DCDC1: variants seen among roughly 807,000 people sequenced by gnomAD.
The protein encoded by DCDC1 is doublecortin domain containing 1, also known as doublecortin domain-containing protein 1.
Under a neutral mutation model 178.3 loss-of-function variants are expected in DCDC1, and 200 were observed. That is an observed-to-expected ratio of 1.12 (90% CI 1.00 to 1.26). The LOEUF is 1.26. Among genes scored for constraint, DCDC1 ranks in the 50% most tolerant of loss-of-function variants. The pLI is 0.00. For synonymous variants in DCDC1, 690 were observed against 604.8 expected, an observed-to-expected ratio of 1.14 and a Z score of -2.07; for missense variants, 1,983 against 1,749.2, an observed-to-expected ratio of 1.13 and a Z score of -2.38.
chr11:31,210,664 T>C (rs529606299), intron 9 of DCDC1, among the ~76,000 whole-genome samples: 1 of 139,782 alleles, frequency 7.2e-6, no homozygotes, highest in South Asian at 2.2e-4. Flanking sequence ...TGAGCCAAGA[T>C]CACGCCACTG....
intron 1 of DCDC1, among the ~76,000 whole-genome samples, chr11:31,343,393 A>G (rs1591815257): frequency 6.6e-6 from 1 of 151,722 alleles, no homozygotes; most frequent in Admixed American, 6.6e-5. Flanking sequence ...TGCAACCCCC[A>G]CCTCCCAGGT....
At chr11:31,101,396 G>A (rs12795008) in intron 15 of DCDC1, among the ~76,000 whole-genome samples, 2,096 of 152,124 alleles carry the variant, frequency 0.014, 31 homozygotes, top group South Asian at 0.055. Flanking sequence ...TTACTGGAAG[G>A]ATAAATTTCT....
At chr11:30,896,590 G>A (rs1408734409) in intron 34 of DCDC1, among the ~76,000 whole-genome samples, 7 of 152,066 alleles carry the variant, frequency 4.6e-5, no homozygotes, top group East Asian at 1.9e-4. Flanking sequence ...GACTTATTTC[G>A]CTTTCACACT....
intron 36 of DCDC1, among the ~76,000 whole-genome samples, chr11:30,889,017 T>C (rs955256080): frequency 6.6e-6 from 1 of 152,186 alleles, no homozygotes; most frequent in African/African-American, 2.4e-5. Context: ...CAGAAGGACC[T>C]CTTTTTCATT....
rs191431361 is a variant in DCDC1 at position 30,928,239 on chromosome 11, C to G, written c.2898-2831G>C. ...GTAGTCTCTGCATTTGCCGGCTCCT[C>G]TTCACCTTCTGCCATGAGTGGAAGC... On this transcript the variant is annotated intron_variant, in intron 22 of 38. Coordinates refer to ENST00000684477, the MANE Select transcript of DCDC1 (RefSeq NM_001387274.1). 2.0e-3 allele frequency among the ~76,000 whole-genome samples: 304 copies of G among 152,238 alleles called. 2 individuals carry two copies. Among genetic ancestry groups the G allele is most frequent in the South Asian group, 7.9e-3 (38 of 4,828 alleles).
chr11:31,179,528 G>A (rs936982426), intron 9 of DCDC1, among the ~76,000 whole-genome samples: 13 of 152,180 alleles, frequency 8.5e-5, no homozygotes, highest in African/African-American at 3.1e-4. Flanking sequence ...TTGTGACAAT[G>A]TGAATGAATC....
chr11:31,295,413 A>C (rs955223391), intron 6 of DCDC1, among the ~76,000 whole-genome samples: 2 of 152,098 alleles, frequency 1.3e-5, no homozygotes, highest in African/African-American at 2.4e-5. Context: ...AGTGCACCCA[A>C]ACTCCAGCTG....
rs546693456 is a variant in DCDC1 at position 31,064,427 on chromosome 11, A to G, written c.2591+42T>C. The G allele has an allele frequency of 3.0e-4, 208 of 683,432 alleles. 3 individuals are homozygous for G. Among genetic ancestry groups the G allele is most frequent in the South Asian group, 2.7e-3 (163 of 59,542 alleles). 42.3% of individuals were successfully genotyped at this position (683,432 alleles called of 1,614,324 possible). Reference sequence around the variant, plus strand: ...TACATGAAACTGAAGGAAAATATCGAATGTCATTGAGCAATAAAGCTCAGT... The same window carrying G: ...TACATGAAACTGAAGGAAAATATCGGATGTCATTGAGCAATAAAGCTCAGT... On this transcript the variant is annotated intron_variant, in intron 20 of 38. Coordinates refer to ENST00000684477, the MANE Select transcript of DCDC1 (RefSeq NM_001387274.1).
At chr11:31,181,282 G>T (rs1156479644) in intron 9 of DCDC1, among the ~76,000 whole-genome samples, 1 of 152,194 alleles carries the variant, frequency 6.6e-6, no homozygotes, top group Non-Finnish European at 1.5e-5. Context: ...GAGGCTGTGG[G>T]TACAGCTTCA....
intron 20 of DCDC1, among the ~76,000 whole-genome samples, chr11:30,968,692 AAATTATATATAT>A (rs1949588366): frequency 1.3e-5 from 1 of 75,304 alleles, no homozygotes; most frequent in South Asian, 3.6e-4. Context: ...TATATATATC[AAATTATATATAT>A]ATCAAATTAT....
At chr11:30,999,449 G>A (rs1258984966) in intron 20 of DCDC1, among the ~76,000 whole-genome samples, 1 of 152,106 alleles carries the variant, frequency 6.6e-6, no homozygotes, top group African/African-American at 2.4e-5. Flanking sequence ...AAAGCCTTAT[G>A]TCGAATCTAA....
intron 11 of DCDC1, among the ~76,000 whole-genome samples, chr11:31,115,846 A>G (rs919377450): frequency 2.6e-5 from 4 of 152,068 alleles, no homozygotes; most frequent in African/African-American, 9.7e-5. Context: ...AATTAAGAAA[A>G]GGGAGACATG....
chr11:31,118,894 G>A (rs1469543478), intron 11 of DCDC1, among the ~76,000 whole-genome samples: 1 of 152,150 alleles, frequency 6.6e-6, no homozygotes, highest in African/African-American at 2.4e-5. Flanking sequence ...TGATACAGAC[G>A]CAGTTTTTCT....
chr11:31,018,562 G>A (rs565843366), intron 20 of DCDC1, among the ~76,000 whole-genome samples: 89 of 152,092 alleles, frequency 5.9e-4, no homozygotes, highest in Non-Finnish European at 1.2e-3. Context: ...CAAGGCTCAC[G>A]GAAGGGTACT....
intron 8 of DCDC1, among the ~76,000 whole-genome samples, chr11:31,251,649 A>G (rs1944044474): frequency 6.6e-6 from 1 of 152,098 alleles, no homozygotes; most frequent in South Asian, 2.1e-4. Context: ...CTATAAATAG[A>G]TTCTGTTTCT....
chr11:31,115,992 G>T (rs1452961527), intron 11 of DCDC1, among the ~76,000 whole-genome samples: 1 of 133,048 alleles, frequency 7.5e-6, no homozygotes, highest in Non-Finnish European at 1.7e-5. Flanking sequence ...GGGGGGGGGG[G>T]GGATGGGTAT....
chr11:31,263,047 GTA>G, intron 8 of DCDC1: 1 of 1,612,834 alleles, frequency 6.2e-7, no homozygotes, highest in Non-Finnish European at 8.5e-7. Context: ...CATCCATGAA[GTA>G]TCACGTCTCA....
intron 7 of DCDC1, among the ~76,000 whole-genome samples, chr11:31,286,206 A>AG (rs61471641): frequency 0.69 from 104,837 of 151,800 alleles, 37,229 homozygotes; most frequent in East Asian, 0.95. Flanking sequence ...AGTGGGGCCT[A>AG]GAGTCTGATT....
intron 10 of DCDC1, among the ~76,000 whole-genome samples, chr11:31,130,571 A>C (rs1002955390): frequency 5.3e-5 from 8 of 152,202 alleles, no homozygotes; most frequent in African/African-American, 1.9e-4. Context: ...TGAGCAAAAA[A>C]TGAATACTTG....
Sources: gnomAD v4.1 joint callset for allele counts (sites outside exome capture counted in the v4.1 genomes callset) on GRCh38, gnomAD v4.1.1 for gene constraint, MANE v1.5 for transcripts, NCBI Gene and HGNC (gene_info 2026-07-23, HGNC 2026-07-21) for gene names.